PRELID2: variants seen among roughly 807,000 people sequenced by gnomAD.
The protein encoded by PRELID2 is PRELI domain containing 2.
In PRELID2, 25 loss-of-function variants were observed where a neutral mutation model predicts 28.4. The ratio of observed to expected loss-of-function variants is 0.88; its 90% confidence interval spans 0.64 to 1.23. The LOEUF (loss-of-function observed/expected upper bound fraction) is 1.23, where lower values mean the gene tolerates loss of function less well. Among genes scored for constraint, PRELID2 ranks in the 50% most tolerant of loss-of-function variants. PRELID2 has a pLI of 0.00. For missense variants in PRELID2, 201 were observed against 214.4 expected (o/e 0.94, Z 0.39); for synonymous variants, 76 against 71.6 (o/e 1.06, Z -0.31).
At chr5:145,595,106 C>T (rs932917373) in intron 1 of PRELID2, among the ~76,000 whole-genome samples, 6 of 146,270 alleles carry the variant, frequency 4.1e-5, no homozygotes, top group South Asian at 2.2e-4. Flanking sequence ...CCAGCCTGGG[C>T]GACAGAGCCA....
intron 1 of PRELID2, among the ~76,000 whole-genome samples, chr5:145,833,718 T>C (rs1298000807): frequency 1.3e-5 from 2 of 152,180 alleles, no homozygotes; most frequent in Non-Finnish European, 2.9e-5. Flanking sequence ...GGCTACACCT[T>C]ATCGTTTAAC....
At chr5:145,685,531 A>G (rs1312345868) in intron 1 of PRELID2, among the ~76,000 whole-genome samples, 1 of 152,168 alleles carries the variant, frequency 6.6e-6, no homozygotes, top group South Asian at 2.1e-4. Flanking sequence ...AAGTTCCTCC[A>G]TGACCATTTT....
the PRELID2 span, among the ~76,000 whole-genome samples, chr5:145,413,609 AAT>A: frequency 2.6e-5 from 3 of 113,632 alleles, no homozygotes; most frequent in South Asian, 7.7e-4. Context: ...GGATGAAGAA[AAT>A]ACACACACAC....
At chr5:145,320,543 T>G in the PRELID2 span, among the ~76,000 whole-genome samples, 5 of 152,118 alleles carry the variant, frequency 3.3e-5, no homozygotes, top group Non-Finnish European at 7.4e-5. Flanking sequence ...AGGAGTTAGG[T>G]TAGCACAAAG....
intron 1 of PRELID2, among the ~76,000 whole-genome samples, chr5:145,675,600 T>G (rs1364590732): frequency 1.3e-5 from 2 of 152,296 alleles, no homozygotes; most frequent in African/African-American, 4.8e-5. Flanking sequence ...ACAGTAAAAG[T>G]CTGCAAACAC....
chr5:145,811,292 G>A lies in PRELID2; in HGVS notation c.368+6602C>T, dbSNP rs147177555. Among the ~76,000 whole-genome samples, 875 of 151,892 alleles carry A rather than the reference G, an allele frequency of 5.8e-3. 9 individuals are homozygous for A. The highest frequency in any genetic ancestry group is 0.02 in the African/African-American group (832 of 41,390). On this transcript the variant is annotated intron_variant, in intron 4 of 6. Transcript: ENST00000683046. ...CAACTCAAGATGAGATTTGGGTGGG[G>A]ACACAGCAAAACCATATCAGGGGTC... is the stretch of plus-strand genomic sequence containing the variant.
At chr5:145,417,470 C>T in the PRELID2 span, among the ~76,000 whole-genome samples, 2 of 152,150 alleles carry the variant, frequency 1.3e-5, no homozygotes, top group South Asian at 4.2e-4. Flanking sequence ...GACCAATATC[C>T]TTGATGAACC....
At chr5:145,594,441 G>A (rs536012452) in intron 1 of PRELID2, among the ~76,000 whole-genome samples, 1 of 152,082 alleles carries the variant, frequency 6.6e-6, no homozygotes, top group African/African-American at 2.4e-5. Flanking sequence ...ACATCTTATT[G>A]TTTTTCTGAT....
At chr5:145,665,238 C>G (rs1754565209) in intron 1 of PRELID2, among the ~76,000 whole-genome samples, 1 of 152,070 alleles carries the variant, frequency 6.6e-6, no homozygotes, top group African/African-American at 2.4e-5. Flanking sequence ...TTATGGCATC[C>G]ATATCAACTA....
intron 1 of PRELID2, among the ~76,000 whole-genome samples, chr5:145,529,213 G>A (rs1257801673): frequency 2.0e-5 from 3 of 152,184 alleles, no homozygotes; most frequent in Non-Finnish European, 2.9e-5. Context: ...ATGAAAATCT[G>A]AACATATAAT....
At chr5:145,554,740 T>G (rs1055397375) in intron 1 of PRELID2, among the ~76,000 whole-genome samples, 6 of 152,232 alleles carry the variant, frequency 3.9e-5, no homozygotes, top group African/African-American at 1.4e-4. Context: ...AGCATTTTGT[T>G]TGACTTTTCA....
chr5:145,820,118 TTTTTG>T (rs139755910), intron 2 of PRELID2, 100 bp from the exon 3 acceptor site: 218,267 of 514,190 alleles, frequency 0.42, 22,149 homozygotes, highest in Non-Finnish European at 0.47. Context: ...TGTTTTTTGT[TTTTTG>T]TTTTTTTTTT....
At chr5:145,659,853 T>A (rs1188043593) in intron 1 of PRELID2, among the ~76,000 whole-genome samples, 5 of 152,208 alleles carry the variant, frequency 3.3e-5, no homozygotes, top group Non-Finnish European at 5.9e-5. Flanking sequence ...ACAATTTTTT[T>A]AAATTGTATA....
At chr5:145,447,050 AAAATAAATAAAT>A in the PRELID2 span, among the ~76,000 whole-genome samples, 5 of 140,236 alleles carry the variant, frequency 3.6e-5, no homozygotes, top group Middle Eastern at 3.7e-3. Context: ...ACTCCATCTC[AAAATAAATAAAT>A]AAATAAATAA....
At chr5:145,527,847 T>G (rs1416964880) in intron 1 of PRELID2, among the ~76,000 whole-genome samples, 1 of 152,076 alleles carries the variant, frequency 6.6e-6, no homozygotes, top group African/African-American at 2.4e-5. Flanking sequence ...CTTAGAAGAG[T>G]GACTAGAACA....
chr5:145,370,479 A>G, the PRELID2 span, among the ~76,000 whole-genome samples: 14 of 151,930 alleles, frequency 9.2e-5, no homozygotes, highest in Admixed American at 5.9e-4. Context: ...TCATTGGTCT[A>G]TATGTCTGCT....
intron 1 of PRELID2, among the ~76,000 whole-genome samples, chr5:145,733,521 C>G (rs901827859): frequency 3.3e-5 from 5 of 152,074 alleles, no homozygotes; most frequent in African/African-American, 9.7e-5. Context: ...AAATCAAAAC[C>G]ATACTGCACC....
chr5:145,591,766 C>T (rs1244208268), intron 1 of PRELID2, among the ~76,000 whole-genome samples: 4 of 152,188 alleles, frequency 2.6e-5, no homozygotes, highest in Non-Finnish European at 5.9e-5. Context: ...TGGGCTGGAG[C>T]CACTGACTAA....
intron 1 of PRELID2, chr5:145,826,075 T>C: frequency 1.0e-6 from 1 of 985,396 alleles, no homozygotes; most frequent in Non-Finnish European, 1.2e-6. Flanking sequence ...GCAGAATTGA[T>C]CAAGCTGAAT....
Sources: gnomAD v4.1 joint callset for allele counts (sites outside exome capture counted in the v4.1 genomes callset) on GRCh38, gnomAD v4.1.1 for gene constraint, MANE v1.5 for transcripts, NCBI Gene and HGNC (gene_info 2026-07-23, HGNC 2026-07-21) for gene names.